The following SUCO variants were observed in gnomAD, a reference collection of about 807,000 sequenced individuals.
The protein encoded by SUCO is SUN domain-containing ossification factor.
In SUCO, 57 loss-of-function variants were observed where a neutral mutation model predicts 148.1. The observed-to-expected ratio is 0.38, with a 90% confidence interval of 0.31 to 0.48. SUCO has a LOEUF of 0.48. SUCO is among the 20% of genes least tolerant of loss of function. SUCO has a pLI of 0.96. For missense variants in SUCO, 1,331 were observed against 1,468.2 expected, an observed-to-expected ratio of 0.91 and a Z score of 1.53; for synonymous variants, 470 against 502.7, an observed-to-expected ratio of 0.93 and a Z score of 0.87.
At chr1:172,553,107 C>A in intron 2 of SUCO, 153 bp from the exon 3 acceptor site, 1 of 467,142 alleles carries the variant, frequency 2.1e-6, no homozygotes, top group Non-Finnish European at 2.8e-6. Context: ...AGGAAATAGA[C>A]AATAATCTTG....
At chr1:172,542,464 C>T (rs867433780) in intron 1 of SUCO, among the ~76,000 whole-genome samples, 4 of 152,268 alleles carry the variant, frequency 2.6e-5, no homozygotes, top group Middle Eastern at 3.4e-3. Flanking sequence ...CAGTACTGCT[C>T]CGTGGTCTGT....
chr1:172,610,358 T>C lies in SUCO; in HGVS notation c.*99T>C. ...GTTTGGGGGAGGGAGAAAATATTAATGGGAAAGGCATTCAGAAATTATGGT... is the reference window on the plus strand; with the variant it reads ...GTTTGGGGGAGGGAGAAAATATTAACGGGAAAGGCATTCAGAAATTATGGT... On this transcript the variant is annotated 3_prime_UTR_variant, in exon 24 of 24. Coordinates refer to ENST00000263688, the MANE Select transcript of SUCO (RefSeq NM_014283.5). 7.0e-7 allele frequency: 1 copy of C among 1,435,288 alleles called. No homozygotes were observed. The highest frequency in any genetic ancestry group is 9.2e-7 in the Non-Finnish European group (1 of 1,092,586). The allele number at this position is 1,435,288 out of a possible 1,614,324, so 88.9% of individuals were successfully genotyped here.
At chr1:172,578,487 C>T (rs1274249330) in intron 14 of SUCO, 98 bp downstream of exon 14, 11 of 1,399,490 alleles carry the variant, frequency 7.9e-6, no homozygotes, top group Non-Finnish European at 1.0e-5. Context: ...ATCAATATGA[C>T]TGTTGTCTTC....
intron 3 of SUCO, among the ~76,000 whole-genome samples, chr1:172,554,881 T>C (rs1355869901): frequency 6.6e-6 from 1 of 152,210 alleles, no homozygotes; most frequent in Non-Finnish European, 1.5e-5. Context: ...ACTATTTATA[T>C]TTTTTTGTGA....
chr1:172,578,120 T>C (rs537663826), intron 13 of SUCO, among the ~76,000 whole-genome samples, 178 bp from the exon 14 acceptor site: 1 of 152,060 alleles, frequency 6.6e-6, no homozygotes, highest in East Asian at 1.9e-4. Flanking sequence ...ATAGATTAGT[T>C]TTACATTTTA....
At chr1:172,533,878 G>C (rs367960867) in intron 1 of SUCO, among the ~76,000 whole-genome samples, 58 of 152,240 alleles carry the variant, frequency 3.8e-4, no homozygotes, top group African/African-American at 1.3e-3. Context: ...GTGTGGTAAG[G>C]GGATAAAGCA....
intron 2 of SUCO, 128 bp from the exon 3 acceptor site, chr1:172,553,128 AAATT>A: frequency 2.0e-6 from 2 of 991,582 alleles, no homozygotes; most frequent in Non-Finnish European, 1.4e-6. Context: ...TATACAAATG[AAATT>A]AATTAGAGTC....
chr1:172,589,211 A>G lies in SUCO; in HGVS notation c.2110A>G (p.Ser704Gly). The G allele has an allele frequency of 1.2e-6, 2 of 1,614,004 alleles. No homozygotes were observed. The highest frequency in any genetic ancestry group is 1.7e-6 in the Non-Finnish European group (2 of 1,179,920). ...AACTGTTGTTCTGGGTGATTTAAGT[A>G]GTAGTATGCACCAGGATGACTTGGT... ...AETVVLGDLS[S>G]SMHQDDLVNH... Residue 704 changes from serine (S) to glycine (G), a missense_variant, in exon 18 of 24, where the codon AGT becomes GGT. Coordinates refer to ENST00000263688, the MANE Select transcript of SUCO (RefSeq NM_014283.5).
At chr1:172,596,784 A>T (rs565075844) in intron 19 of SUCO, among the ~76,000 whole-genome samples, 1 of 152,310 alleles carries the variant, frequency 6.6e-6, no homozygotes, top group Non-Finnish European at 1.5e-5. Flanking sequence ...CTCAAACTCC[A>T]TGCTTGGAGA....
chr1:172,558,444 A>G (rs1653903372), intron 6 of SUCO, among the ~76,000 whole-genome samples: 1 of 152,230 alleles, frequency 6.6e-6, no homozygotes, highest in African/African-American at 2.4e-5. Flanking sequence ...AGTATATTCC[A>G]TAAACTTAAC....
chr1:172,532,693 A>C (rs1336186428), upstream of SUCO: 4 of 1,613,926 alleles, frequency 2.5e-6, no homozygotes, highest in Non-Finnish European at 3.4e-6. Context: ...TTCTCTAACA[A>C]AACCATGGAT....
At chr1:172,562,894 AT>A (rs1654284821) in intron 6 of SUCO, among the ~76,000 whole-genome samples, 2 of 151,974 alleles carry the variant, frequency 1.3e-5, no homozygotes, top group South Asian at 4.2e-4. Flanking sequence ...TGGGGGTGGA[AT>A]TTCCCCTTGC....
intron 4 of SUCO, 114 bp downstream of exon 4, chr1:172,556,137 C>T: frequency 1.4e-6 from 1 of 728,184 alleles, no homozygotes; most frequent in Non-Finnish European, 2.2e-6. Context: ...GGCTATATAG[C>T]AGACCTAAAT....
At chr1:172,575,744 A>C in intron 11 of SUCO, 121 bp downstream of exon 11, 1 of 546,066 alleles carries the variant, frequency 1.8e-6, no homozygotes. Context: ...TATACCACTT[A>C]ATAGATAATT....
intron 6 of SUCO, 82 bp from the exon 7 acceptor site, chr1:172,568,937 C>T (rs1654749030): frequency 7.9e-7 from 1 of 1,260,956 alleles, no homozygotes; most frequent in Non-Finnish European, 1.1e-6. Flanking sequence ...TTTAATTTGA[C>T]AGAAACATTT....
rs559040283 is a variant in SUCO, at chr1:172,568,063, G to A, written c.733-956G>A. 3.3e-5 allele frequency among the ~76,000 whole-genome samples: 5 copies of A among 152,260 alleles called. No homozygotes were observed. The East Asian group carries it at 7.7e-4, about 23-fold the overall frequency. On this transcript the variant is annotated intron_variant, in intron 6 of 23. Coordinates refer to ENST00000263688, the MANE Select transcript of SUCO (RefSeq NM_014283.5). Reference sequence around the variant, plus strand: ...ACCCTATTGTGAACTGCACATGTGAGGGATCTAGGTTGTGCACTCCTTATG... The same window carrying A: ...ACCCTATTGTGAACTGCACATGTGAAGGATCTAGGTTGTGCACTCCTTATG...
chr1:172,582,458 T>C (rs985736715), intron 15 of SUCO, among the ~76,000 whole-genome samples: 14 of 152,120 alleles, frequency 9.2e-5, no homozygotes, highest in Non-Finnish European at 2.1e-4. Context: ...ATTTGGTCTT[T>C]AGGACCAAAT....
In SUCO at chr1:172,609,993, T is replaced by C. The variant is rs199840816; in HGVS notation, c.3499T>C (p.Ser1167Pro). The change falls in exon 24 of 24, where the codon TCA (serine) becomes CCA (proline). Residue 1167 changes from serine (S) to proline (P), a missense_variant. Transcript: ENST00000263688. ...SYKGPPSEGS[S>P]ETSSQSEESY... is the part of the protein sequence containing the mutation. ...TAAAGGTCCTCCATCTGAAGGAAGCTCAGAAACTTCATCACAGTCAGAAGA... is the reference window on the plus strand; with the variant it reads ...TAAAGGTCCTCCATCTGAAGGAAGCCCAGAAACTTCATCACAGTCAGAAGA... 1 of 1,613,930 alleles carries C rather than the reference T, an allele frequency of 6.2e-7. No homozygotes were observed. The highest frequency in any genetic ancestry group is 1.3e-5 in the African/African-American group (1 of 74,994).
chr1:172,598,013 C>T lies in SUCO; in HGVS notation c.2914-2051C>T, dbSNP rs1368343940. Among the ~76,000 whole-genome samples, 3 of 152,110 alleles carry T rather than the reference C, an allele frequency of 2.0e-5. No individual in the cohort carries two copies. The East Asian group carries it at 5.8e-4, about 29-fold the overall frequency. ...TGCTCTATGAAATATTTGCCTAACGCAAAATCACAAAGATTTTTTCCTTTG... is the reference window on the plus strand; with the variant it reads ...TGCTCTATGAAATATTTGCCTAACGTAAAATCACAAAGATTTTTTCCTTTG... On this transcript the variant is annotated intron_variant, in intron 19 of 23. Transcript: ENST00000263688.
Sources: gnomAD v4.1 joint callset for allele counts (sites outside exome capture counted in the v4.1 genomes callset) on GRCh38, gnomAD v4.1.1 for gene constraint, MANE v1.5 for transcripts, NCBI Gene and HGNC (gene_info 2026-07-23, HGNC 2026-07-21) for gene names.